SYBU: variants seen among roughly 807,000 people sequenced by gnomAD.
The protein encoded by SYBU is GOLSYN A protein.
A neutral mutation model predicts 35.9 loss-of-function variants in SYBU; 21 were observed. The ratio of observed to expected loss-of-function variants is 0.58; its 90% confidence interval spans 0.41 to 0.84. SYBU has a LOEUF of 0.84. Ranked by LOEUF, SYBU falls within the 40% of genes least tolerant of loss-of-function variation. The pLI is 0.00. For missense variants in SYBU, 768 were observed against 848.2 expected (o/e 0.91, Z 1.17); for synonymous variants, 319 against 324.3 (o/e 0.98, Z 0.18).
chr8:109,575,640 C>T lies in SYBU; in HGVS notation c.1258G>A (p.Val420Ile). The stretch of plus-strand genomic sequence containing the variant: ...TCCCTGTCAGCCCCTTCCCCCGTGA[C>T]CTGCTCTTCCAGAGATAACCCATCT... ...MADGLSLEEQ[V>I]TGEGADRELL... Residue 420 changes from valine (V) to isoleucine (I), a missense_variant, in exon 7 of 7, where the codon GTC becomes ATC. Coordinates refer to ENST00000276646, the MANE Select transcript of SYBU (RefSeq NM_001099754.2). 6.2e-7 allele frequency: 1 copy of T among 1,614,132 alleles called. No homozygotes were observed. The highest frequency in any genetic ancestry group is 8.5e-7 in the Non-Finnish European group (1 of 1,180,030).
chr8:109,674,882 T>C (rs1473508542), intron 1 of SYBU, among the ~76,000 whole-genome samples: 2 of 152,096 alleles, frequency 1.3e-5, no homozygotes, highest in African/African-American at 2.4e-5. Context: ...ATATAGACCA[T>C]GTAATTGGAA....
chr8:109,669,627 A>T (rs963086730), intron 1 of SYBU, among the ~76,000 whole-genome samples: 2 of 152,186 alleles, frequency 1.3e-5, no homozygotes, highest in African/African-American at 4.8e-5. Context: ...CTTTGGGTTG[A>T]TTCTTTCCTT....
chr8:109,657,762 C>T (rs1007034791), intron 1 of SYBU, among the ~76,000 whole-genome samples: 3 of 152,132 alleles, frequency 2.0e-5, no homozygotes, highest in African/African-American at 7.2e-5. Flanking sequence ...TGGGAAGCAA[C>T]CACATGATTT....
chr8:109,659,059 C>T (rs916192626), intron 1 of SYBU, among the ~76,000 whole-genome samples: 2 of 152,150 alleles, frequency 1.3e-5, no homozygotes, highest in African/African-American at 4.8e-5. Context: ...AGCGATCTCA[C>T]TCATGTAGAA....
intron 4 of SYBU, among the ~76,000 whole-genome samples, chr8:109,582,920 G>A (rs146045668): frequency 6.6e-6 from 1 of 152,268 alleles, no homozygotes; most frequent in East Asian, 1.9e-4. Flanking sequence ...GCCAAGGAGA[G>A]GAGCCTCAGA....
intron 6 of SYBU, among the ~76,000 whole-genome samples, chr8:109,577,600 A>G (rs752737287): frequency 2.6e-5 from 4 of 152,178 alleles, no homozygotes; most frequent in Non-Finnish European, 5.9e-5. Flanking sequence ...TCAAAGCTGT[A>G]TACACTGCAA....
At chr8:109,604,144 G>C (rs780721919) in intron 3 of SYBU, among the ~76,000 whole-genome samples, 3 of 152,040 alleles carry the variant, frequency 2.0e-5, no homozygotes, top group Non-Finnish European at 4.4e-5. Flanking sequence ...TCACATTCTA[G>C]TAGAGAAAGG....
At chr8:109,685,519 G>C (rs1241750494), upstream of SYBU, among the ~76,000 whole-genome samples, 2 of 152,176 alleles carry the variant, frequency 1.3e-5, no homozygotes. Context: ...AAATCAAACA[G>C]GTCCGGTCCC....
At chr8:109,578,650 T>C (rs933290129) in intron 5 of SYBU, among the ~76,000 whole-genome samples, 1 of 152,158 alleles carries the variant, frequency 6.6e-6, no homozygotes, top group Non-Finnish European at 1.5e-5. Context: ...GGCTTAGGAA[T>C]GTTCTCATAC....
At chr8:109,652,993 C>T (rs1336280797) in intron 1 of SYBU, among the ~76,000 whole-genome samples, 1 of 152,080 alleles carries the variant, frequency 6.6e-6, no homozygotes, top group Non-Finnish European at 1.5e-5. Context: ...CAGCATAGTC[C>T]CTTGTACAAA....
chr8:109,635,618 C>T (rs1189056002), intron 2 of SYBU, among the ~76,000 whole-genome samples: 1 of 152,178 alleles, frequency 6.6e-6, no homozygotes, highest in East Asian at 1.9e-4. Context: ...CCATATTATT[C>T]ATTCAGTGGA....
intron 2 of SYBU, among the ~76,000 whole-genome samples, chr8:109,623,401 A>C (rs983213845): frequency 7.2e-5 from 11 of 152,170 alleles, no homozygotes; most frequent in Non-Finnish European, 1.2e-4. Context: ...AACACACAGG[A>C]TTAAGGGTAG....
intron 3 of SYBU, among the ~76,000 whole-genome samples, chr8:109,605,509 G>GGTGCA (rs1825979721): frequency 6.6e-6 from 1 of 151,988 alleles, no homozygotes; most frequent in Admixed American, 6.5e-5. Flanking sequence ...TATAGTCCTT[G>GGTGCA]GTGCACATGC....
At chr8:109,652,866 T>A (rs1448604404) in intron 1 of SYBU, among the ~76,000 whole-genome samples, 2 of 152,230 alleles carry the variant, frequency 1.3e-5, no homozygotes, top group Non-Finnish European at 2.9e-5. Context: ...GCTGAACCAC[T>A]TTAGGCAAGC....
chr8:109,587,772 A>ATT (rs966049725), intron 3 of SYBU, among the ~76,000 whole-genome samples: 1 of 152,196 alleles, frequency 6.6e-6, no homozygotes, highest in Non-Finnish European at 1.5e-5. Context: ...AGAATGACCC[A>ATT]TTAGCCAAAT....
Position 109,642,751 on chromosome 8 carries a change from A to G in SYBU, c.206T>C (p.Val69Ala), listed in dbSNP as rs1421433049. 6.2e-7 allele frequency: 1 copy of G among 1,607,958 alleles called. No individual in the cohort carries two copies. Among genetic ancestry groups the G allele is most frequent in the Non-Finnish European group, 8.5e-7 (1 of 1,177,420 alleles). ...PSSSGRSARTVSSNSFCSDDT... is the reference protein window; with the variant it reads ...PSSSGRSARTASSNSFCSDDT... ...ACCTGAGCAGAAGCTGTTGCTGCTA[A>G]CGGTCCTCGCTGAGCGCCCAGAGCT... is the stretch of plus-strand genomic sequence containing the variant. Residue 69 changes from valine (V) to alanine (A), a missense_variant, in exon 2 of 7, where the codon GTT becomes GCT. Val to Ala is a moderately conservative substitution (Grantham distance 64). Coordinates refer to ENST00000276646, the MANE Select transcript of SYBU (RefSeq NM_001099754.2).
At chr8:109,663,258 C>CAT (rs1282405275) in intron 1 of SYBU, among the ~76,000 whole-genome samples, 1 of 149,028 alleles carries the variant, frequency 6.7e-6, no homozygotes, top group Non-Finnish European at 1.5e-5. Flanking sequence ...AAAATACATA[C>CAT]AGATAGATAG....
In SYBU at chr8:109,586,177, G is replaced by A. The variant is rs1414243317; in HGVS notation, c.428-15C>T. The A allele has an allele frequency of 1.8e-5, 29 of 1,583,186 alleles. No homozygotes were observed. The highest frequency in any genetic ancestry group is 2.4e-5 in the Non-Finnish European group (28 of 1,160,672). Reference sequence around the variant, plus strand: ...AGCTTCACTACCTGAAAAACAACAGGGGAGAGAGAAGCGTGAGGGAAAGGA... The same window carrying A: ...AGCTTCACTACCTGAAAAACAACAGAGGAGAGAGAAGCGTGAGGGAAAGGA... On this transcript the variant is annotated splice_polypyrimidine_tract_variant and intron_variant, in intron 3 of 6. Coordinates refer to ENST00000276646, the MANE Select transcript of SYBU (RefSeq NM_001099754.2).
intron 1 of SYBU, among the ~76,000 whole-genome samples, chr8:109,669,458 T>C (rs1185668509): frequency 2.0e-5 from 3 of 151,714 alleles, no homozygotes; most frequent in Non-Finnish European, 4.4e-5. Flanking sequence ...TGAGGTATTA[T>C]AATATAAAAC....
Sources: allele counts gnomAD v4.1 joint callset (sites outside exome capture counted in the v4.1 genomes callset), GRCh38; gene constraint gnomAD v4.1.1; transcripts MANE v1.5; gene names NCBI Gene and HGNC (gene_info 2026-07-23, HGNC 2026-07-21).